The following HYCC1 variants were observed in gnomAD, a reference collection of about 807,000 sequenced individuals.
The protein encoded by HYCC1 is hyccin PI4KA lipid kinase complex subunit 1.
chr7:22,967,361 T>C, the HYCC1 span, among the ~76,000 whole-genome samples: 5 of 152,092 alleles, frequency 3.3e-5, no homozygotes, highest in South Asian at 2.1e-4. Context: ...GTGGAAAACA[T>C]AGGAAAGTTC....
the HYCC1 span, among the ~76,000 whole-genome samples, chr7:22,931,267 A>C: frequency 3.3e-5 from 5 of 151,402 alleles, no homozygotes; most frequent in Admixed American, 2.0e-4. Context: ...AAAAAAAAAA[A>C]AAAAAACCAG....
At chr7:22,941,031 A>G in the HYCC1 span, 1 of 152,040 alleles carries the variant, frequency 6.6e-6, no homozygotes, top group Non-Finnish European at 1.5e-5. Context: ...TGGCCCATAG[A>G]GCTCATCTTC....
At chr7:22,898,575 ATTTCTTTTCTTTTCTTTTCT>A in the HYCC1 span, among the ~76,000 whole-genome samples, 6 of 132,218 alleles carry the variant, frequency 4.5e-5, no homozygotes, top group Non-Finnish European at 9.5e-5. Context: ...TGGTCCAAAT[ATTTCTTTTCTTTTCTTTTCT>A]TTTCTTTTCT....
chr7:22,976,639 A>C, the HYCC1 span: 2 of 1,083,166 alleles, frequency 1.8e-6, no homozygotes, highest in African/African-American at 3.1e-5. Flanking sequence ...TACTGAAATA[A>C]TTTTCTTAAA....
At chr7:22,973,636 G>C in the HYCC1 span, among the ~76,000 whole-genome samples, 3 of 151,858 alleles carry the variant, frequency 2.0e-5, no homozygotes, top group Non-Finnish European at 2.9e-5. Flanking sequence ...AATTTCTCTT[G>C]TGGCATAAAT....
chr7:22,992,051 T>C, the HYCC1 span, among the ~76,000 whole-genome samples: 1 of 152,224 alleles, frequency 6.6e-6, no homozygotes, highest in African/African-American at 2.4e-5. Context: ...TGCAAGGAGT[T>C]ATTGTGAGGA....
the HYCC1 span, among the ~76,000 whole-genome samples, chr7:22,950,686 G>A: frequency 6.6e-6 from 1 of 151,816 alleles, no homozygotes; most frequent in Non-Finnish European, 1.5e-5. Flanking sequence ...AGATGCTTAG[G>A]TCAAAAAGAT....
chr7:22,997,980 T>C, the HYCC1 span, among the ~76,000 whole-genome samples: 21 of 152,128 alleles, frequency 1.4e-4, no homozygotes, highest in African/African-American at 5.1e-4. Flanking sequence ...TTGGAAAAGC[T>C]AGAACAATTA....
chr7:23,011,504 T>C, the HYCC1 span, among the ~76,000 whole-genome samples: 22 of 152,314 alleles, frequency 1.4e-4, no homozygotes, highest in African/African-American at 4.8e-4. Flanking sequence ...TGATTAGGAC[T>C]TGTTAGTTTT....
the HYCC1 span, chr7:22,985,690 C>T: frequency 6.6e-6 from 1 of 151,672 alleles, no homozygotes; most frequent in Non-Finnish European, 1.5e-5. Context: ...CAAAAGATCT[C>T]GAGGCAACAT....
the HYCC1 span, chr7:22,943,775 G>A: frequency 6.6e-6 from 1 of 152,514 alleles, no homozygotes; most frequent in East Asian, 1.9e-4. Flanking sequence ...ATTGTACACA[G>A]GGTTCCTATT....
the HYCC1 span, among the ~76,000 whole-genome samples, chr7:22,897,014 G>A: frequency 6.6e-6 from 1 of 152,180 alleles, no homozygotes; most frequent in South Asian, 2.1e-4. Flanking sequence ...CGGTTGGGGT[G>A]GGGGAAGGGC....
At chr7:22,968,579 T>C in the HYCC1 span, among the ~76,000 whole-genome samples, 1 of 152,210 alleles carries the variant, frequency 6.6e-6, no homozygotes, top group Non-Finnish European at 1.5e-5. Context: ...CTTCCAATTG[T>C]ATTACCCAAT....
the HYCC1 span, among the ~76,000 whole-genome samples, chr7:22,921,125 ATTTC>A: frequency 1.3e-5 from 2 of 152,326 alleles, no homozygotes; most frequent in African/African-American, 4.8e-5. Context: ...AGCCTCAGGT[ATTTC>A]TTTATAGCAA....
At chr7:22,913,084 A>G in the HYCC1 span, among the ~76,000 whole-genome samples, 71 of 151,988 alleles carry the variant, frequency 4.7e-4, no homozygotes, top group African/African-American at 1.7e-3. Flanking sequence ...AGACAGCACC[A>G]CTGCACTCCA....
At chr7:23,008,265 T>G in the HYCC1 span, among the ~76,000 whole-genome samples, 2 of 152,080 alleles carry the variant, frequency 1.3e-5, no homozygotes, top group Non-Finnish European at 2.9e-5. Context: ...TTAATCCTCT[T>G]TATAAAATAA....
chr7:22,984,600 T>C, the HYCC1 span, among the ~76,000 whole-genome samples: 1 of 152,098 alleles, frequency 6.6e-6, no homozygotes, highest in Non-Finnish European at 1.5e-5. Context: ...CATATGCCTG[T>C]AGTCTTGGCT....
the HYCC1 span, among the ~76,000 whole-genome samples, chr7:22,926,250 A>G: frequency 8.5e-5 from 13 of 152,196 alleles, 1 homozygote; most frequent in East Asian, 1.3e-3. Context: ...AAAGACCATC[A>G]AGGCTAGGAA....
At chr7:22,910,874 CAA>C in the HYCC1 span, among the ~76,000 whole-genome samples, 20 of 148,384 alleles carry the variant, frequency 1.3e-4, no homozygotes, top group Middle Eastern at 3.5e-3. Context: ...TATGTTCACT[CAA>C]AAAAAAAAAC....
Sources: allele counts gnomAD v4.1 joint callset (sites outside exome capture counted in the v4.1 genomes callset), GRCh38; gene constraint gnomAD v4.1.1; transcripts MANE v1.5; gene names NCBI Gene and HGNC (gene_info 2026-07-23, HGNC 2026-07-21).